Variants in MAML3 observed in about 807,000 individuals in gnomAD.
MAML3 encodes mastermind-like protein 3.
MAML3 carries 27 observed loss-of-function variants against 101.9 expected under a neutral mutation model. That is an observed-to-expected ratio of 0.27 (90% CI 0.20 to 0.37). The LOEUF is 0.37. Among genes scored for constraint, MAML3 ranks in the 10% least tolerant of loss-of-function variants. The pLI is 1.00. For synonymous variants in MAML3, 501 were observed against 555.9 expected (o/e 0.90, Z 1.39); for missense variants, 1,316 against 1,444.9 (o/e 0.91, Z 1.45).
chr4:140,030,477 A>G (rs1347824463), intron 1 of MAML3, among the ~76,000 whole-genome samples: 1 of 152,232 alleles, frequency 6.6e-6, no homozygotes, highest in Non-Finnish European at 1.5e-5. Flanking sequence ...AATAAGGGCC[A>G]GGCTCCAAAC....
At position 139,889,785 on chromosome 4, in the gene MAML3, T is replaced by C; in HGVS notation, c.1651A>G (p.Asn551Asp). 1 of 1,613,990 alleles carries C rather than the reference T, an allele frequency of 6.2e-7. No individual in the cohort carries two copies. Among genetic ancestry groups the C allele is most frequent in the Non-Finnish European group, 8.5e-7 (1 of 1,179,890 alleles). Residue 551 changes from asparagine to aspartate, a missense_variant, in exon 2 of 5, where the codon AAC (asparagine) becomes GAC (aspartate). By Grantham distance (23) the Asn-to-Asp change is conservative. Coordinates refer to ENST00000509479, the MANE Select transcript of MAML3 (RefSeq NM_018717.5). The part of the protein sequence containing the change: ...MMYPQAFNNQ[N>D]PIVPPMANNL... Reference sequence around the variant, plus strand: ...TTTGCCATTGGAGGCACTATAGGGTTTTGGTTGTTAAAGGCTTGGGGGTAC... The same window carrying C: ...TTTGCCATTGGAGGCACTATAGGGTCTTGGTTGTTAAAGGCTTGGGGGTAC...
At position 139,787,155 on chromosome 4, in the gene MAML3, G is replaced by A. The variant is rs748621731; in HGVS notation, c.2080-56488C>T. Among the ~76,000 whole-genome samples the A allele has an allele frequency of 9.2e-5, 14 of 152,300 alleles. No individual in the cohort carries two copies. The East Asian group carries it at 1.3e-3, about 15-fold the overall frequency. On this transcript the variant is annotated intron_variant, in intron 2 of 4. Coordinates refer to ENST00000509479, the MANE Select transcript of MAML3 (RefSeq NM_018717.5). ...TGAACCTTCCTCGTTCTGCAGCAGC[G>A]CTCCGTCCTGCGCCCCACAGGGGAT...
intron 1 of MAML3, among the ~76,000 whole-genome samples, chr4:140,125,466 C>T (rs934698637): frequency 4.6e-5 from 7 of 152,108 alleles, no homozygotes; most frequent in South Asian, 2.1e-4. Context: ...AAAATAAAGA[C>T]GTTTAAAAAT....
At chr4:139,875,381 T>TG (rs937105838) in intron 2 of MAML3, among the ~76,000 whole-genome samples, 37 of 152,322 alleles carry the variant, frequency 2.4e-4, no homozygotes, top group African/African-American at 8.4e-4. Context: ...TGCAGTGTTT[T>TG]GGGGAATTGT....
At chr4:139,849,071 T>C (rs746965195) in intron 2 of MAML3, among the ~76,000 whole-genome samples, 2 of 152,218 alleles carry the variant, frequency 1.3e-5, no homozygotes, top group Non-Finnish European at 2.9e-5. Context: ...CTTCCTGACA[T>C]ATATATTTAA....
intron 1 of MAML3, among the ~76,000 whole-genome samples, chr4:140,043,920 T>G (rs953098609): frequency 6.6e-6 from 1 of 152,184 alleles, no homozygotes; most frequent in African/African-American, 2.4e-5. Flanking sequence ...CCAGGAAAAG[T>G]AAGCAGCGTC....
intron 1 of MAML3, among the ~76,000 whole-genome samples, chr4:140,118,439 A>C (rs1479632589): frequency 6.6e-6 from 1 of 152,198 alleles, no homozygotes; most frequent in Non-Finnish European, 1.5e-5. Context: ...TTAGCTAATA[A>C]TAATAATAAA....
intron 2 of MAML3, among the ~76,000 whole-genome samples, chr4:139,795,792 T>C (rs1730501927): frequency 6.6e-6 from 1 of 152,242 alleles, no homozygotes; most frequent in African/African-American, 2.4e-5. Flanking sequence ...TACCATATTG[T>C]TGTGGAGATG....
intron 1 of MAML3, among the ~76,000 whole-genome samples, chr4:139,935,019 C>T (rs1288211258): frequency 6.6e-6 from 1 of 152,056 alleles, no homozygotes; most frequent in East Asian, 1.9e-4. Context: ...TATCAGTTTG[C>T]CAGCTACTTA....
chr4:140,063,592 C>A (rs1727484760), intron 1 of MAML3, among the ~76,000 whole-genome samples: 1 of 152,136 alleles, frequency 6.6e-6, no homozygotes, highest in African/African-American at 2.4e-5. Context: ...CCAATATTCC[C>A]TTTTATAGCT....
intron 2 of MAML3, among the ~76,000 whole-genome samples, chr4:139,873,386 C>T (rs1051461240): frequency 3.3e-5 from 5 of 152,174 alleles, no homozygotes; most frequent in Non-Finnish European, 7.3e-5. Flanking sequence ...GCCAGTACCA[C>T]TTAAGCATGT....
chr4:139,779,927 C>T (rs777264403), intron 2 of MAML3, among the ~76,000 whole-genome samples: 5 of 152,172 alleles, frequency 3.3e-5, no homozygotes, highest in Admixed American at 1.3e-4. Context: ...TGTTGTAGGG[C>T]GCAAGCCATA....
At chr4:140,006,964 A>C (rs1726464183) in intron 1 of MAML3, among the ~76,000 whole-genome samples, 1 of 152,210 alleles carries the variant, frequency 6.6e-6, no homozygotes. Flanking sequence ...TGTTTAAAGA[A>C]CAAAAAGCTT....
intron 1 of MAML3, among the ~76,000 whole-genome samples, chr4:140,057,618 A>G (rs1158646548): frequency 4.6e-5 from 7 of 152,192 alleles, no homozygotes; most frequent in Non-Finnish European, 1.5e-5. Context: ...AGAAAATACC[A>G]TATTCTTGAT....
chr4:140,057,693 TG>T (rs1367617467), intron 1 of MAML3, among the ~76,000 whole-genome samples: 1 of 152,210 alleles, frequency 6.6e-6, no homozygotes, highest in Non-Finnish European at 1.5e-5. Context: ...CAATTATCTT[TG>T]GGTTGGGGAG....
chr4:139,853,182 T>C (rs1256403663), intron 2 of MAML3, among the ~76,000 whole-genome samples: 1 of 152,194 alleles, frequency 6.6e-6, no homozygotes, highest in East Asian at 1.9e-4. Flanking sequence ...CCCTTATACA[T>C]ACAGACTAAG....
chr4:139,717,708 A>C lies in MAML3; in HGVS notation c.*1615T>G, dbSNP rs748733798. The C allele has an allele frequency of 1.3e-5, 2 of 152,308 alleles. No homozygotes were observed. The highest frequency in any genetic ancestry group is 2.9e-5 in the Non-Finnish European group (2 of 68,144). 9.4% of individuals were successfully genotyped at this position (152,308 alleles called of 1,614,324 possible). A position where few individuals can be genotyped will look rare whatever the true frequency, so the allele number is the denominator to read the frequency against. On this transcript the variant is annotated 3_prime_UTR_variant, in exon 5 of 5. Transcript: ENST00000509479. ...ACCCCACAGGCTCCGACTCTTCCGT[A>C]GTGATCTGCCTGGGAGTGCACAGAA... is the stretch of plus-strand genomic sequence containing the variant.
rs953628271 is a variant in MAML3 at position 139,801,786 on chromosome 4, A to T, written c.2080-71119T>A. 2.6e-5 allele frequency among the ~76,000 whole-genome samples: 4 copies of T among 152,036 alleles called. No homozygotes were observed. The East Asian group carries it at 7.7e-4, about 29-fold the overall frequency. On this transcript the variant is annotated intron_variant, in intron 2 of 4. Coordinates refer to ENST00000509479, the MANE Select transcript of MAML3 (RefSeq NM_018717.5). ...GGTGCTTAGGATCAGCAGCAGACAGAATGACTAAGGTGGGAAAGTTGTTAA... is the reference window on the plus strand; with the variant it reads ...GGTGCTTAGGATCAGCAGCAGACAGTATGACTAAGGTGGGAAAGTTGTTAA...
intron 2 of MAML3, among the ~76,000 whole-genome samples, chr4:139,758,673 T>C (rs1017896669): frequency 8.5e-5 from 13 of 152,196 alleles, no homozygotes; most frequent in Admixed American, 2.6e-4. Flanking sequence ...TCTCCTGATG[T>C]CCCCGTTTAT....
Sources: gnomAD v4.1 joint callset for allele counts (sites outside exome capture counted in the v4.1 genomes callset) on GRCh38, gnomAD v4.1.1 for gene constraint, MANE v1.5 for transcripts, NCBI Gene and HGNC (gene_info 2026-07-23, HGNC 2026-07-21) for gene names.